The following PMS1 variants were observed in gnomAD, a reference collection of about 807,000 sequenced individuals.
PMS1 encodes the protein PMS1 homolog 1, mismatch repair system component, also known as PMS1 protein homolog 1.
Under a neutral mutation model 93.1 loss-of-function variants are expected in PMS1, and 79 were observed. That is an observed-to-expected ratio of 0.85 (90% CI 0.71 to 1.02). The LOEUF (loss-of-function observed/expected upper bound fraction) is 1.02, where lower values mean the gene tolerates loss of function less well. PMS1 is among the 50% of genes least tolerant of loss of function. The pLI, the probability that PMS1 is intolerant of heterozygous loss-of-function variation, is 0.00. For missense variants in PMS1, 1,064 were observed against 1,085.3 expected, an observed-to-expected ratio of 0.98 and a Z score of 0.28; for synonymous variants, 335 against 363.4, an observed-to-expected ratio of 0.92 and a Z score of 0.89.
At chr2:189,850,495 A>G (rs2054601537) in intron 6 of PMS1, among the ~76,000 whole-genome samples, 1 of 152,196 alleles carries the variant, frequency 6.6e-6, no homozygotes, top group African/African-American at 2.4e-5. Context: ...GATGGTAAGC[A>G]CTGGGGAGTG....
chr2:189,836,384 T>A lies in PMS1; in HGVS notation c.583-7580T>A, dbSNP rs1014133635. On this transcript the variant is annotated intron_variant, in intron 5 of 12. Transcript: ENST00000441310. ...CACATCCAGGTGCTCCAACTTTGTG[T>A]GACCTAGATAGAAAACATATGGAGG... 2.0e-5 allele frequency among the ~76,000 whole-genome samples: 3 copies of A among 152,234 alleles called. 1 individual carries two copies.
intron 9 of PMS1, 143 bp from the exon 10 acceptor site, chr2:189,863,600 A>T (rs897531333): frequency 1.2e-5 from 8 of 657,086 alleles, no homozygotes; most frequent in Non-Finnish European, 5.3e-6. Flanking sequence ...TCATAGTTAT[A>T]TGCAGGAGAG....
intron 3 of PMS1, among the ~76,000 whole-genome samples, chr2:189,804,080 C>T (rs2050126204): frequency 6.6e-6 from 1 of 152,170 alleles, no homozygotes. Flanking sequence ...TTCATCTTAT[C>T]ATCACCCTTC....
chr2:189,811,962 CAT>C (rs1275349429), intron 4 of PMS1, among the ~76,000 whole-genome samples: 2 of 152,244 alleles, frequency 1.3e-5, no homozygotes, highest in African/African-American at 2.4e-5. Flanking sequence ...CCATTGGAAA[CAT>C]AGAAGTCCAA....
chr2:189,852,263 A>T (rs1418707751), intron 6 of PMS1, among the ~76,000 whole-genome samples: 3 of 152,180 alleles, frequency 2.0e-5, no homozygotes, highest in Non-Finnish European at 4.4e-5. Flanking sequence ...ATAGGAAAAG[A>T]TGGTTAAAGA....
intron 9 of PMS1, among the ~76,000 whole-genome samples, chr2:189,863,275 A>T (rs1186647644): frequency 1.4e-5 from 2 of 141,786 alleles, no homozygotes; most frequent in African/African-American, 5.2e-5. Flanking sequence ...TTTTTTTGAG[A>T]CAGAGTCTTG....
chr2:189,811,479 T>C (rs1332978907), intron 4 of PMS1, among the ~76,000 whole-genome samples: 1 of 151,958 alleles, frequency 6.6e-6, no homozygotes, highest in African/African-American at 2.4e-5. Flanking sequence ...CCTGTAATCC[T>C]GGCTACTTAG....
At chr2:189,861,923 C>G (rs1007238695) in intron 9 of PMS1, among the ~76,000 whole-genome samples, 1 of 151,786 alleles carries the variant, frequency 6.6e-6, no homozygotes, top group Non-Finnish European at 1.5e-5. Flanking sequence ...ATATACCTAC[C>G]TGTATATTAG....
At position 189,805,930 on chromosome 2, in the gene PMS1, T is replaced by C. The variant is rs1323211342; in HGVS notation, c.418+176T>C. On this transcript the variant is annotated intron_variant, in intron 4 of 12. Coordinates refer to ENST00000441310, the MANE Select transcript of PMS1 (RefSeq NM_000534.5). ...TTATTCTAGCCACCAATTTCTTAAA[T>C]ATTTAGAATTGTTCTCAAAAGGAAC... 5 of 1,513,966 alleles carry C rather than the reference T, an allele frequency of 3.3e-6. No individual in the cohort carries two copies. The Admixed American group carries it at 9.5e-5, about 29-fold the overall frequency. 93.8% of individuals were successfully genotyped at this position (1,513,966 alleles called of 1,614,324 possible).
chr2:189,855,299 T>G (rs1159251259), intron 9 of PMS1, among the ~76,000 whole-genome samples, 171 bp downstream of exon 9: 1 of 151,460 alleles, frequency 6.6e-6, no homozygotes, highest in African/African-American at 2.4e-5. Context: ...TTCTGCTAAT[T>G]TAGGTTTTTT....
intron 6 of PMS1, among the ~76,000 whole-genome samples, chr2:189,851,283 TTTTATTATTTA>T (rs1206382926): frequency 1.3e-5 from 2 of 152,192 alleles, no homozygotes; most frequent in Non-Finnish European, 2.9e-5. Context: ...TTCTTCTTCA[TTTTATTATTTA>T]TTCTTATCCT....
chr2:189,812,043 G>T (rs916338732), intron 4 of PMS1, among the ~76,000 whole-genome samples: 15 of 152,138 alleles, frequency 9.9e-5, no homozygotes, highest in Non-Finnish European at 1.9e-4. Context: ...GCTCACGCCT[G>T]TAATCCCAGC....
intron 6 of PMS1, among the ~76,000 whole-genome samples, chr2:189,851,499 T>A (rs1169039525): frequency 6.6e-6 from 1 of 152,212 alleles, no homozygotes; most frequent in Non-Finnish European, 1.5e-5. Context: ...CAGATTAATT[T>A]ATTTTTTCAA....
chr2:189,812,279 T>A (rs1419169258), intron 4 of PMS1, among the ~76,000 whole-genome samples: 1 of 152,156 alleles, frequency 6.6e-6, no homozygotes, highest in Non-Finnish European at 1.5e-5. Flanking sequence ...CCAGCCTGGG[T>A]GACAGAATTA....
rs572072279 is a variant in PMS1 at position 189,867,223 on chromosome 2, T to C, written c.2343-576T>C. Among the ~76,000 whole-genome samples the C allele has an allele frequency of 5.4e-4, 82 of 152,304 alleles. 1 individual carries two copies. The South Asian group carries it at 0.017, about 31-fold the overall frequency. ...GTCCTGACCAAGCCTAAAACCAATATGTGTGGTTGATTTGTACCCTAGGTG... is the reference window on the plus strand; with the variant it reads ...GTCCTGACCAAGCCTAAAACCAATACGTGTGGTTGATTTGTACCCTAGGTG... On this transcript the variant is annotated intron_variant, in intron 10 of 12. Coordinates refer to ENST00000441310, the MANE Select transcript of PMS1 (RefSeq NM_000534.5).
At chr2:189,816,476 C>T (rs2051313023) in intron 4 of PMS1, among the ~76,000 whole-genome samples, 1 of 152,120 alleles carries the variant, frequency 6.6e-6, no homozygotes. Context: ...TTCTTGTCCT[C>T]AAAATTTAGG....
chr2:189,815,215 T>C (rs141836389), intron 4 of PMS1, among the ~76,000 whole-genome samples: 276 of 152,158 alleles, frequency 1.8e-3, no homozygotes, highest in African/African-American at 6.2e-3. Flanking sequence ...TGATGTCCTC[T>C]AGGAACAGAA....
chr2:189,861,341 C>T (rs2055970204), intron 9 of PMS1, among the ~76,000 whole-genome samples: 1 of 150,964 alleles, frequency 6.6e-6, no homozygotes. Flanking sequence ...TGCACATATA[C>T]TGGCAACTAA....
chr2:189,811,467 T>C (rs988136707), intron 4 of PMS1, among the ~76,000 whole-genome samples: 1 of 151,992 alleles, frequency 6.6e-6, no homozygotes, highest in Non-Finnish European at 1.5e-5. Context: ...TTTTGGCGCA[T>C]GCCTGTAATC....
Sources: allele counts gnomAD v4.1 joint callset (sites outside exome capture counted in the v4.1 genomes callset), GRCh38; gene constraint gnomAD v4.1.1; transcripts MANE v1.5; gene names NCBI Gene and HGNC (gene_info 2026-07-23, HGNC 2026-07-21).